Variants in TNNT3 observed in about 807,000 individuals in gnomAD.
The protein encoded by TNNT3 is troponin T, fast skeletal muscle.
A neutral mutation model predicts 54.2 loss-of-function variants in TNNT3; 36 were observed. The ratio of observed to expected loss-of-function variants is 0.66; its 90% confidence interval spans 0.51 to 0.88. TNNT3 has a LOEUF of 0.88. Ranked by LOEUF, TNNT3 falls within the 40% of genes least tolerant of loss-of-function variation. TNNT3 has a pLI of 0.00. For synonymous variants in TNNT3, 120 were observed against 109.7 expected (o/e 1.09, Z -0.59); for missense variants, 291 against 331.6 (o/e 0.88, Z 0.95).
intron 1 of TNNT3, among the ~76,000 whole-genome samples, chr11:1,920,911 T>G (rs937240086): frequency 2.0e-5 from 3 of 152,280 alleles, no homozygotes; most frequent in Middle Eastern, 6.8e-3. Flanking sequence ...AGCCTTGTGT[T>G]GCTTCCAGGC....
In TNNT3 at chr11:1,934,235, C is replaced by A; in HGVS notation, c.367-97C>A. On this transcript the variant is annotated intron_variant, in intron 11 of 15. Transcript: ENST00000278317. ...AGTTCTAAGCCCAGGGTGGGCCCTT[C>A]CAGACAGCTCTAAGCCCAGGGTGGG... is the stretch of plus-strand genomic sequence containing the variant. 3 of 1,216,840 alleles carry A rather than the reference C, an allele frequency of 2.5e-6. No individual in the cohort carries two copies. The Admixed American group carries it at 5.9e-5, about 24-fold the overall frequency. 75.4% of individuals were successfully genotyped at this position (1,216,840 alleles called of 1,614,324 possible). A position where few individuals can be genotyped will look rare whatever the true frequency, so the allele number is the denominator to read the frequency against.
chr11:1,928,854 G>A (rs773699830), intron 6 of TNNT3: 56 of 563,838 alleles, frequency 9.9e-5, no homozygotes, highest in Non-Finnish European at 1.6e-4. Context: ...GCCCCGCGAG[G>A]TCCCCGTGTC....
rs371847998 is a variant in TNNT3, at chr11:1,925,194, G to A, written c.67+78G>A. 305 of 803,776 alleles carry A rather than the reference G, an allele frequency of 3.8e-4. 2 individuals are homozygous for A. The African/African-American group carries it at 5.1e-3, about 13-fold the overall frequency. The allele number at this position is 803,776 out of a possible 1,614,324, so 49.8% of individuals were successfully genotyped here. A position where few individuals can be genotyped will look rare whatever the true frequency, so the allele number is the denominator to read the frequency against. ...CCCACCCAAAGTTGACCTCCACCCC[G>A]CCTCTAAGGATTGCTGTGTGCCCCT... On this transcript the variant is annotated intron_variant, in intron 5 of 15. Transcript: ENST00000278317.
At chr11:1,919,916 G>A (rs779774097) in intron 1 of TNNT3, among the ~76,000 whole-genome samples, 154 bp downstream of exon 1, 4 of 152,206 alleles carry the variant, frequency 2.6e-5, no homozygotes, top group Admixed American at 6.5e-5. Context: ...ATCATGGCTC[G>A]GAGCCCCCAG....
intron 4 of TNNT3, among the ~76,000 whole-genome samples, chr11:1,924,340 T>C (rs887476258): frequency 6.6e-6 from 1 of 152,198 alleles, no homozygotes; most frequent in African/African-American, 2.4e-5. Context: ...TGGGCGCACC[T>C]GGGAACCGTG....
At chr11:1,929,000 A>C (rs1158442647) in intron 6 of TNNT3, 120 bp from the exon 7 acceptor site, 1 of 1,156,278 alleles carries the variant, frequency 8.6e-7, no homozygotes, top group Non-Finnish European at 1.3e-6. Flanking sequence ...CCTGGAGAAG[A>C]GAGTGTCCGA....
intron 14 of TNNT3, among the ~76,000 whole-genome samples, chr11:1,936,624 A>G (rs1255975249): frequency 6.6e-6 from 1 of 152,176 alleles, no homozygotes; most frequent in Non-Finnish European, 1.5e-5. Context: ...CGCAGGCCTC[A>G]CCTGCAACCC....
intron 3 of TNNT3, 66 bp downstream of exon 3, chr11:1,923,127 G>A: frequency 6.2e-7 from 1 of 1,604,100 alleles, no homozygotes. Flanking sequence ...GTGGGCAGGG[G>A]GCTGGACTGT....
rs551103215 is a variant in TNNT3, at chr11:1,933,179, C to T, written c.172-542C>T. Among the ~76,000 whole-genome samples the T allele has an allele frequency of 4.7e-5, 7 of 147,900 alleles. No homozygotes were observed. The South Asian group carries it at 1.5e-3, about 32-fold the overall frequency. On this transcript the variant is annotated intron_variant, in intron 9 of 15. Transcript: ENST00000278317. ...ATCCACCCACCCACCCACTCACCCA[C>T]CATCCACGCATCCTCTACCATTAAT...
In TNNT3 at chr11:1,924,704, C is replaced by T. The variant is rs3781955; in HGVS notation, c.50-395C>T. 4.6e-4 allele frequency among the ~76,000 whole-genome samples: 70 copies of T among 152,276 alleles called. 3 individuals are homozygous for T. The East Asian group carries it at 0.012, about 26-fold the overall frequency. On this transcript the variant is annotated intron_variant, in intron 4 of 15. Transcript: ENST00000278317. ...CCTTGTTTCCGGGTGCACTCAGAGC[C>T]GGGGCTTCCCGCAGGCCCTGTGGGT...
Position 1,922,899 on chromosome 11 carries a change from C to G in TNNT3, c.17+8C>G. 6.2e-7 allele frequency: 1 copy of G among 1,613,766 alleles called. No individual in the cohort carries two copies. The highest frequency in any genetic ancestry group is 8.5e-7 in the Non-Finnish European group (1 of 1,180,008). On this transcript the variant is annotated splice_region_variant and intron_variant, in intron 2 of 15. Coordinates refer to ENST00000278317, the MANE Select transcript of TNNT3 (RefSeq NM_006757.4). ...CATGTCTGACGAGGAAGTGTGAGTA[C>G]CCAGCTGGTGGCTGCCCCCTGCCTG...
intron 4 of TNNT3, among the ~76,000 whole-genome samples, 169 bp downstream of exon 4, chr11:1,923,741 C>G (rs1850738641): frequency 6.6e-6 from 1 of 152,046 alleles, no homozygotes; most frequent in Non-Finnish European, 1.5e-5. Flanking sequence ...CACCATTCAT[C>G]ATTAATTAAT....
intron 6 of TNNT3, 92 bp downstream of exon 6, chr11:1,926,801 T>C: frequency 6.4e-7 from 1 of 1,551,770 alleles, no homozygotes; most frequent in Non-Finnish European, 8.9e-7. Flanking sequence ...CCTTGTGACG[T>C]TTGCCACCAA....
intron 1 of TNNT3, 35 bp downstream of exon 1, chr11:1,919,797 G>C (rs905337465): frequency 6.6e-6 from 1 of 152,266 alleles, no homozygotes; most frequent in Non-Finnish European, 1.5e-5. Context: ...CCAGGACTGG[G>C]GCCGACGGGG....
chr11:1,934,607 A>T lies in TNNT3; in HGVS notation c.542A>T (p.Glu181Val). 1 of 1,609,506 alleles carries T rather than the reference A, an allele frequency of 6.2e-7. No homozygotes were observed. Among genetic ancestry groups the T allele is most frequent in the Non-Finnish European group, 8.5e-7 (1 of 1,178,406 alleles). The change falls in exon 13 of 16, where the codon GAG becomes GTG. Residue 181 changes from glutamate (E) to valine (V), a missense_variant. Glu to Val is a moderately radical substitution (Grantham distance 121). Coordinates refer to ENST00000278317, the MANE Select transcript of TNNT3 (RefSeq NM_006757.4). ...GAAATGAAGAAGAAGATTCTGGCTG[A>T]GAGACGCAAGCCGCTCAACATCGAT... is the stretch of plus-strand genomic sequence containing the variant. ...AREMKKKILA[E>V]RRKPLNIDHL... is the part of the protein sequence containing the mutation.
chr11:1,932,303 A>G (rs898923916), intron 8 of TNNT3, among the ~76,000 whole-genome samples, 166 bp from the exon 9 acceptor site: 2 of 152,240 alleles, frequency 1.3e-5, no homozygotes, highest in Non-Finnish European at 2.9e-5. Context: ...TACAAACCTC[A>G]TAAGAATAAA....
rs539144736 is a variant in TNNT3, at chr11:1,934,835, G to A, written c.597G>A (p.Lys199=). 8.1e-6 allele frequency: 13 copies of A among 1,613,378 alleles called. No homozygotes were observed. Among genetic ancestry groups the A allele is most frequent in the Non-Finnish European group, 1.1e-5 (13 of 1,180,042 alleles). Residue 199 remains lysine, a synonymous_variant, in exon 14 of 16, where the codon AAG becomes AAA. Transcript: ENST00000278317. The part of the protein sequence containing the change: ...DHLGEDKLRD[K]AKELWETLHQ... ...ACCACTTCCTCTGCCCCAGGGACAAGGCCAAGGAGCTCTGGGAGACCCTGC... is the reference window on the plus strand; with the variant it reads ...ACCACTTCCTCTGCCCCAGGGACAAAGCCAAGGAGCTCTGGGAGACCCTGC...
intron 4 of TNNT3, 25 bp downstream of exon 4, chr11:1,923,597 C>T (rs199720054): frequency 7.1e-6 from 10 of 1,405,200 alleles, no homozygotes; most frequent in East Asian, 6.3e-5. Flanking sequence ...CACCGGAAGC[C>T]CCCCCAGCCC....
chr11:1,937,822 G>A (rs944877820), intron 15 of TNNT3, among the ~76,000 whole-genome samples: 2 of 152,310 alleles, frequency 1.3e-5, no homozygotes, highest in East Asian at 1.9e-4. Context: ...GGCAGTCGGC[G>A]TGGTGTGCAT....
Sources: allele counts gnomAD v4.1 joint callset (sites outside exome capture counted in the v4.1 genomes callset), GRCh38; gene constraint gnomAD v4.1.1; transcripts MANE v1.5; gene names NCBI Gene and HGNC (gene_info 2026-07-23, HGNC 2026-07-21).